Variants in GALNTL6 observed in about 807,000 individuals in gnomAD.
GALNTL6 encodes the protein polypeptide N-acetylgalactosaminyltransferase-like 6.
A neutral mutation model predicts 73.7 loss-of-function variants in GALNTL6; 46 were observed. The ratio of observed to expected loss-of-function variants is 0.62; its 90% CI spans 0.49 to 0.80. The LOEUF (loss-of-function observed/expected upper bound fraction) is 0.80, where lower values mean the gene tolerates loss of function less well. Among genes scored for constraint, GALNTL6 ranks in the 30% least tolerant of loss-of-function variants. The pLI, the probability that GALNTL6 is intolerant of heterozygous loss-of-function variation, is 0.00. For synonymous variants in GALNTL6, 259 were observed against 263.7 expected (o/e 0.98, Z 0.17); for missense variants, 604 against 755.0 (o/e 0.80, Z 2.34).
At chr4:172,491,794 A>G (rs930023650) in intron 5 of GALNTL6, among the ~76,000 whole-genome samples, 7 of 152,156 alleles carry the variant, frequency 4.6e-5, no homozygotes, top group African/African-American at 1.7e-4. Flanking sequence ...AAAAAGTTCT[A>G]TGTCAACACT....
chr4:172,835,655 C>T (rs145889149), intron 7 of GALNTL6, among the ~76,000 whole-genome samples: 2 of 152,150 alleles, frequency 1.3e-5, no homozygotes, highest in African/African-American at 4.8e-5. Context: ...GTGTACCATC[C>T]GGAATAGTGA....
At chr4:172,056,358 A>G (rs1731019166) in intron 2 of GALNTL6, among the ~76,000 whole-genome samples, 1 of 152,158 alleles carries the variant, frequency 6.6e-6, no homozygotes, top group Non-Finnish European at 1.5e-5. Flanking sequence ...AAGTACCATA[A>G]TTGATTAAAA....
chr4:171,922,409 A>G (rs1316917236), intron 2 of GALNTL6, among the ~76,000 whole-genome samples: 1 of 152,158 alleles, frequency 6.6e-6, no homozygotes, highest in Non-Finnish European at 1.5e-5. Flanking sequence ...CTATAACTTG[A>G]TAACAATGTA....
intron 8 of GALNTL6, among the ~76,000 whole-genome samples, chr4:172,922,656 T>A (rs142149918): frequency 1.2e-3 from 187 of 152,340 alleles, no homozygotes; most frequent in Admixed American, 2.5e-3. Context: ...TAGAAAAGCC[T>A]TAGGGACTTC....
At chr4:172,300,121 G>T (rs1739855110) in intron 3 of GALNTL6, among the ~76,000 whole-genome samples, 1 of 152,160 alleles carries the variant, frequency 6.6e-6, no homozygotes, top group Non-Finnish European at 1.5e-5. Context: ...TTACCATTAT[G>T]TAATGGCCTT....
At position 172,321,943 on chromosome 4, in the gene GALNTL6, C is replaced by T. The variant is rs561475596; in HGVS notation, c.386+10191C>T. Reference sequence around the variant, plus strand: ...GTGATCAGCAGCTTCCTGATAAGATCTCAGAAGCCGGGCAAGTGAGCCCAA... The same window carrying T: ...GTGATCAGCAGCTTCCTGATAAGATTTCAGAAGCCGGGCAAGTGAGCCCAA... On this transcript the variant is annotated intron_variant, in intron 4 of 12. Transcript: ENST00000506823. Among the ~76,000 whole-genome samples the T allele has an allele frequency of 1.4e-4, 21 of 152,258 alleles. No homozygotes were observed. In the Middle Eastern group the frequency reaches 0.014, roughly 99 times the overall value.
chr4:172,929,001 G>C (rs1748196103), intron 8 of GALNTL6, among the ~76,000 whole-genome samples: 1 of 152,166 alleles, frequency 6.6e-6, no homozygotes, highest in African/African-American at 2.4e-5. Context: ...TTAAGATCCT[G>C]GGACAGGTGT....
chr4:172,065,553 A>T (rs1362525400), intron 2 of GALNTL6, among the ~76,000 whole-genome samples: 1 of 151,966 alleles, frequency 6.6e-6, no homozygotes, highest in African/African-American at 2.4e-5. Flanking sequence ...CCGATACTGA[A>T]CTTTGAAAAA....
At chr4:172,438,679 G>A (rs1386788991) in intron 5 of GALNTL6, among the ~76,000 whole-genome samples, 2 of 151,984 alleles carry the variant, frequency 1.3e-5, no homozygotes, top group African/African-American at 4.8e-5. Context: ...TCACAACCAT[G>A]TTGACAGGTC....
At chr4:172,050,372 A>G (rs1177022201) in intron 2 of GALNTL6, among the ~76,000 whole-genome samples, 1 of 152,164 alleles carries the variant, frequency 6.6e-6, no homozygotes, top group Non-Finnish European at 1.5e-5. Flanking sequence ...ATCAATACAT[A>G]GAGGTTACAC....
At chr4:171,865,602 A>C (rs905396102) in intron 2 of GALNTL6, among the ~76,000 whole-genome samples, 4 of 152,216 alleles carry the variant, frequency 2.6e-5, no homozygotes, top group African/African-American at 9.6e-5. Context: ...TCAAGGAAAA[A>C]AGTTTTTCTA....
intron 8 of GALNTL6, among the ~76,000 whole-genome samples, chr4:172,924,898 A>C (rs1458574876): frequency 1.3e-5 from 2 of 152,066 alleles, no homozygotes; most frequent in African/African-American, 4.8e-5. Context: ...TTCGAGACAG[A>C]GTTTGGCTCT....
At chr4:171,916,401 T>C (rs1737633737) in intron 2 of GALNTL6, among the ~76,000 whole-genome samples, 1 of 152,148 alleles carries the variant, frequency 6.6e-6, no homozygotes, top group Non-Finnish European at 1.5e-5. Context: ...GGAAATGGTA[T>C]TTGTGGAAAA....
At chr4:172,500,859 G>T (rs1734240249) in intron 5 of GALNTL6, among the ~76,000 whole-genome samples, 1 of 152,156 alleles carries the variant, frequency 6.6e-6, no homozygotes, top group Admixed American at 6.5e-5. Flanking sequence ...CTGATGCGGT[G>T]CTCAATGTAT....
chr4:171,962,871 G>A (rs1579011025), intron 2 of GALNTL6, among the ~76,000 whole-genome samples: 1 of 140,588 alleles, frequency 7.1e-6, no homozygotes, highest in Non-Finnish European at 1.5e-5. Flanking sequence ...GGGTTCAAGC[G>A]ACTGTCCTGC....
intron 2 of GALNTL6, among the ~76,000 whole-genome samples, chr4:172,142,320 C>T (rs1034601447): frequency 1.3e-5 from 2 of 152,046 alleles, no homozygotes; most frequent in East Asian, 3.8e-4. Flanking sequence ...AACATTCAGA[C>T]TTTCTGATCT....
At chr4:172,842,279 A>G (rs929991183) in intron 7 of GALNTL6, among the ~76,000 whole-genome samples, 2 of 152,100 alleles carry the variant, frequency 1.3e-5, no homozygotes, top group African/African-American at 4.8e-5. Flanking sequence ...CACCTTAGCC[A>G]CTCTCTAAAC....
chr4:172,997,222 C>T (rs946840957), intron 10 of GALNTL6, among the ~76,000 whole-genome samples: 1 of 152,144 alleles, frequency 6.6e-6, no homozygotes, highest in African/African-American at 2.4e-5. Flanking sequence ...GATTTAACGC[C>T]TAAAATGACA....
intron 2 of GALNTL6, among the ~76,000 whole-genome samples, chr4:172,181,100 C>A (rs1735227483): frequency 1.3e-5 from 2 of 152,094 alleles, no homozygotes; most frequent in African/African-American, 4.8e-5. Flanking sequence ...GAGAAGGACT[C>A]CTCCCTAAAT....
Sources: allele counts gnomAD v4.1 joint callset (sites outside exome capture counted in the v4.1 genomes callset), GRCh38; gene constraint gnomAD v4.1.1; transcripts MANE v1.5; gene names NCBI Gene and HGNC (gene_info 2026-07-23, HGNC 2026-07-21).